The following ARFGEF1 variants were observed in gnomAD, a reference collection of about 807,000 sequenced individuals.
ARFGEF1 encodes ARF guanine nucleotide exchange factor 1.
A neutral mutation model predicts 231.0 loss-of-function variants in ARFGEF1; 42 were observed. The ratio of observed to expected loss-of-function variants is 0.18; its 90% CI spans 0.14 to 0.24. ARFGEF1 has a LOEUF of 0.24. ARFGEF1 is among the 10% of genes least tolerant of loss of function. The pLI is 1.00. For missense variants in ARFGEF1, 1,345 were observed against 2,192.0 expected (o/e 0.61, Z 7.72); for synonymous variants, 710 against 732.3 (o/e 0.97, Z 0.49).
chr8:67,258,830 C>T (rs895631337), intron 15 of ARFGEF1, among the ~76,000 whole-genome samples: 3 of 151,012 alleles, frequency 2.0e-5, no homozygotes, highest in Non-Finnish European at 3.0e-5. Flanking sequence ...CACACACACA[C>T]ACACACACAC....
chr8:67,246,507 C>T (rs1217996231), intron 19 of ARFGEF1, among the ~76,000 whole-genome samples: 1 of 150,222 alleles, frequency 6.7e-6, no homozygotes, highest in Non-Finnish European at 1.5e-5. Context: ...CCTGAATGAC[C>T]AGTGGGTCAA....
At chr8:67,286,181 C>A (rs1805749575) in intron 7 of ARFGEF1, among the ~76,000 whole-genome samples, 1 of 152,076 alleles carries the variant, frequency 6.6e-6, no homozygotes, top group South Asian at 2.1e-4. Context: ...ATGTATACAA[C>A]CGATTTTCAA....
downstream of ARFGEF1, among the ~76,000 whole-genome samples, chr8:67,196,664 T>C (rs1837996338): frequency 1.3e-5 from 2 of 152,228 alleles, no homozygotes; most frequent in Admixed American, 1.3e-4. Context: ...GGACCATTGT[T>C]TGTTTGCTTT....
In ARFGEF1 at chr8:67,258,270, C is replaced by G. The variant is rs747326090; in HGVS notation, c.2256G>C (p.Leu752=). The change falls in exon 16 of 39, where the codon CTG becomes CTC. Residue 752 remains leucine, a synonymous_variant. Transcript: ENST00000262215. ...RLDSTQVGEF[L]GDNDKFNKEV... ...CTTTGTTAAATTTATCATTATCTCC[C>G]AGGAACTCACCCACTTGAGTCTAAA... The G allele has an allele frequency of 6.5e-5, 104 of 1,601,122 alleles. No individual in the cohort carries two copies. Among genetic ancestry groups the G allele is most frequent in the Non-Finnish European group, 8.7e-5 (102 of 1,169,518 alleles).
chr8:67,316,004 T>G (rs968904146), intron 1 of ARFGEF1, among the ~76,000 whole-genome samples: 1 of 150,458 alleles, frequency 6.6e-6, no homozygotes, highest in Admixed American at 6.6e-5. Context: ...AAACTGAAAA[T>G]AGAAAAATAG....
chr8:67,337,124 G>A lies in ARFGEF1; in HGVS notation c.124+6040C>T, dbSNP rs1404864033. On this transcript the variant is annotated intron_variant, in intron 1 of 38. Coordinates refer to ENST00000262215, the MANE Select transcript of ARFGEF1 (RefSeq NM_006421.5). ...AGCCTGTGTGACAGAGCGTGACGCC[G>A]TCTCAAAAAAAAAAAAAAAAAAAAA... is the stretch of plus-strand genomic sequence containing the variant. Among the ~76,000 whole-genome samples the A allele has an allele frequency of 1.1e-3, 96 of 84,420 alleles. 1 individual carries two copies. Among genetic ancestry groups the A allele is most frequent in the African/African-American group, 5.0e-3 (93 of 18,458 alleles). 55.4% of individuals were successfully genotyped at this position (84,420 alleles called of 152,430 possible).
chr8:67,250,192 CAAGT>C (rs1199963362), intron 19 of ARFGEF1, among the ~76,000 whole-genome samples: 1 of 152,070 alleles, frequency 6.6e-6, no homozygotes, highest in Non-Finnish European at 1.5e-5. Context: ...TAAAAAGCTT[CAAGT>C]AAGAAGCTGG....
At position 67,277,427 on chromosome 8, in the gene ARFGEF1, C is replaced by G; in HGVS notation, c.1058G>C (p.Ser353Thr). 1 of 1,613,580 alleles carries G rather than the reference C, an allele frequency of 6.2e-7. No individual in the cohort carries two copies. Among genetic ancestry groups the G allele is most frequent in the Non-Finnish European group, 8.5e-7 (1 of 1,179,690 alleles). The change falls in exon 8 of 39, where the codon AGT becomes ACT. Residue 353 changes from serine to threonine, a missense_variant. Coordinates refer to ENST00000262215, the MANE Select transcript of ARFGEF1 (RefSeq NM_006421.5). Reference protein sequence around the residue: ...DMGEGTTINASADGNIGTIED... With the variant: ...DMGEGTTINATADGNIGTIED... ...TATAGTTCCAATGTTGCCATCTGCA[C>G]TTGCATTTATAGTAGTCCCTTCTCC...
intron 9 of ARFGEF1, among the ~76,000 whole-genome samples, chr8:67,275,647 C>T (rs1321217248): frequency 6.6e-6 from 1 of 151,890 alleles, no homozygotes; most frequent in Non-Finnish European, 1.5e-5. Flanking sequence ...TTATTGAGCC[C>T]CTCCTATGCA....
chr8:67,251,955 A>C (rs1429172705), intron 18 of ARFGEF1, among the ~76,000 whole-genome samples: 1 of 152,138 alleles, frequency 6.6e-6, no homozygotes, highest in African/African-American at 2.4e-5. Flanking sequence ...GAATGGGAGA[A>C]GAGCAGAAGA....
chr8:67,340,642 G>A (rs1312701805), intron 1 of ARFGEF1, among the ~76,000 whole-genome samples: 1 of 152,198 alleles, frequency 6.6e-6, no homozygotes, highest in African/African-American at 2.4e-5. Context: ...AAGTTCACCA[G>A]GGATTAGCTA....
intron 19 of ARFGEF1, among the ~76,000 whole-genome samples, chr8:67,249,311 T>C (rs1489730060): frequency 2.0e-5 from 3 of 150,462 alleles, no homozygotes; most frequent in Non-Finnish European, 4.4e-5. Flanking sequence ...TGTTAGATGA[T>C]TTTGCCCACC....
chr8:67,268,816 T>A (rs930551565), intron 10 of ARFGEF1, among the ~76,000 whole-genome samples: 11 of 152,224 alleles, frequency 7.2e-5, no homozygotes, highest in Non-Finnish European at 1.3e-4. Flanking sequence ...ATCCATTAAG[T>A]TGTTTGGCCC....
chr8:67,266,670 T>C (rs1004510028), intron 13 of ARFGEF1, among the ~76,000 whole-genome samples: 1 of 152,158 alleles, frequency 6.6e-6, no homozygotes, highest in African/African-American at 2.4e-5. Flanking sequence ...AAAATATTTC[T>C]AAGAAGATTT....
chr8:67,202,623 TA>T (rs1182433981), intron 36 of ARFGEF1, among the ~76,000 whole-genome samples: 1 of 152,222 alleles, frequency 6.6e-6, no homozygotes, highest in Non-Finnish European at 1.5e-5. Context: ...ATTTTTTGTT[TA>T]AAATGTCTAA....
intron 22 of ARFGEF1, 87 bp from the exon 23 acceptor site, chr8:67,233,032 A>G: frequency 2.7e-6 from 3 of 1,093,370 alleles, no homozygotes; most frequent in Non-Finnish European, 4.1e-6. Context: ...TACTTCTGAA[A>G]TCAACTGCTT....
intron 5 of ARFGEF1, among the ~76,000 whole-genome samples, chr8:67,182,962 A>G (rs988617380): frequency 4.6e-5 from 7 of 152,220 alleles, no homozygotes; most frequent in Non-Finnish European, 7.3e-5. Flanking sequence ...CCTTTGATAC[A>G]TAGGAGCTTT....
chr8:67,296,393 T>G, intron 5 of ARFGEF1, 38 bp downstream of exon 5: 4 of 1,590,164 alleles, frequency 2.5e-6, no homozygotes, highest in Non-Finnish European at 3.4e-6. Context: ...TAATGCCTGT[T>G]GTGTTCTATA....
rs867401881 is a variant in ARFGEF1, at chr8:67,198,713, A to C, written c.*221T>G. On this transcript the variant is annotated 3_prime_UTR_variant, in exon 39 of 39. Coordinates refer to ENST00000262215, the MANE Select transcript of ARFGEF1 (RefSeq NM_006421.5). ...CGTGAGCATGAGCTGACACTGTTTA[A>C]ACAGGCTTTCTGCTCAACATGAGGC... 2 of 1,304,332 alleles carry C rather than the reference A, an allele frequency of 1.5e-6. No homozygotes were observed. Among genetic ancestry groups the C allele is most frequent in the Middle Eastern group, 2.8e-4 (1 of 3,522 alleles). 80.8% of individuals were successfully genotyped at this position (1,304,332 alleles called of 1,614,324 possible).
Sources: allele counts gnomAD v4.1 joint callset (sites outside exome capture counted in the v4.1 genomes callset), GRCh38; gene constraint gnomAD v4.1.1; transcripts MANE v1.5; gene names NCBI Gene and HGNC (gene_info 2026-07-23, HGNC 2026-07-21).